SOX5: variants seen among roughly 807,000 people sequenced by gnomAD.
SOX5 encodes the protein transcription factor SOX-5.
Under a neutral mutation model 92.0 loss-of-function variants are expected in SOX5, and 9 were observed. That is an observed-to-expected ratio of 0.10 (90% CI 0.06 to 0.17). The LOEUF (loss-of-function observed/expected upper bound fraction) is 0.17. SOX5 is among the 10% of genes least tolerant of loss of function. The pLI, the probability that SOX5 is intolerant of heterozygous loss-of-function variation, is 1.00. For missense variants in SOX5, 642 were observed against 944.5 expected (o/e 0.68, Z 4.20); for synonymous variants, 344 against 336.3 (o/e 1.02, Z -0.25).
intron 4 of SOX5, among the ~76,000 whole-genome samples, chr12:24,184,351 T>C (rs765273012): frequency 6.6e-6 from 1 of 152,128 alleles, no homozygotes; most frequent in Non-Finnish European, 1.5e-5. Context: ...ATAGAATCAC[T>C]ATTCAAAAAC....
chr12:23,765,073 T>G (rs1339456335), intron 3 of SOX5, among the ~76,000 whole-genome samples: 2 of 152,018 alleles, frequency 1.3e-5, no homozygotes, highest in Non-Finnish European at 2.9e-5. Context: ...ATACATAGAA[T>G]CAGATTTTAA....
intron 2 of SOX5, among the ~76,000 whole-genome samples, chr12:24,346,245 G>T (rs1275342839): frequency 6.6e-6 from 1 of 152,114 alleles, no homozygotes; most frequent in East Asian, 1.9e-4. Flanking sequence ...GTGAGATGTG[G>T]TAAGAAAAGT....
chr12:24,044,136 G>C (rs1956786417), intron 4 of SOX5, among the ~76,000 whole-genome samples: 1 of 152,132 alleles, frequency 6.6e-6, no homozygotes, highest in Non-Finnish European at 1.5e-5. Context: ...CAACATAAAG[G>C]TGTCTGTGCA....
At chr12:24,345,320 G>T (rs987907722) in intron 2 of SOX5, among the ~76,000 whole-genome samples, 1 of 152,164 alleles carries the variant, frequency 6.6e-6, no homozygotes, top group Non-Finnish European at 1.5e-5. Context: ...TAAGACTTCA[G>T]GTGACCAAAC....
At chr12:23,832,511 A>G (rs1183639545) in intron 3 of SOX5, among the ~76,000 whole-genome samples, 1 of 152,084 alleles carries the variant, frequency 6.6e-6, no homozygotes, top group African/African-American at 2.4e-5. Flanking sequence ...TTATATTGAA[A>G]TACATAATGT....
intron 3 of SOX5, among the ~76,000 whole-genome samples, chr12:23,823,057 G>T (rs1253279493): frequency 1.3e-5 from 2 of 152,104 alleles, no homozygotes; most frequent in African/African-American, 4.8e-5. Flanking sequence ...GATGTTTCTT[G>T]ACTCTTTACC....
chr12:23,818,384 A>G (rs1007816757), intron 3 of SOX5, among the ~76,000 whole-genome samples: 2 of 152,214 alleles, frequency 1.3e-5, no homozygotes, highest in Non-Finnish European at 2.9e-5. Context: ...ATCTAAATAC[A>G]GAAAAGATAC....
At chr12:23,872,467 G>GCA (rs1568512969) in intron 2 of SOX5, among the ~76,000 whole-genome samples, 2 of 151,990 alleles carry the variant, frequency 1.3e-5, no homozygotes, top group Non-Finnish European at 2.9e-5. Flanking sequence ...AAGTTATGGT[G>GCA]TCATTAAAAG....
intron 2 of SOX5, among the ~76,000 whole-genome samples, chr12:24,349,590 T>C (rs1215174083): frequency 1.3e-5 from 2 of 152,220 alleles, no homozygotes; most frequent in South Asian, 4.1e-4. Context: ...GGCTTATTCA[T>C]ATAATAGCAT....
intron 3 of SOX5, among the ~76,000 whole-genome samples, chr12:23,789,383 T>G (rs1378033558): frequency 6.6e-6 from 1 of 152,082 alleles, no homozygotes; most frequent in Non-Finnish European, 1.5e-5. Context: ...AGTATTAACC[T>G]TTTAAGTGAG....
intron 4 of SOX5, among the ~76,000 whole-genome samples, chr12:24,124,225 G>A (rs1421037309): frequency 6.6e-6 from 1 of 152,100 alleles, no homozygotes; most frequent in Non-Finnish European, 1.5e-5. Flanking sequence ...CTGCTCAGGA[G>A]CAAATCATTC....
intron 1 of SOX5, among the ~76,000 whole-genome samples, chr12:24,442,846 A>T (rs538949248): frequency 6.6e-6 from 1 of 152,316 alleles, no homozygotes; most frequent in East Asian, 1.9e-4. Context: ...TGAAGGTGGC[A>T]GGAGGCCACA....
In SOX5 at chr12:23,561,065, A is replaced by G. The variant is rs143763180; in HGVS notation, c.1488+2193T>C. The stretch of plus-strand genomic sequence containing the variant: ...ATAGTTCAAGATGTAACTCAACTGC[A>G]TTGAAAGTACATGATGAAGAGATTC... On this transcript the variant is annotated intron_variant, in intron 11 of 14. Coordinates refer to ENST00000451604, the MANE Select transcript of SOX5 (RefSeq NM_006940.6). Among the ~76,000 whole-genome samples, 75 of 152,370 alleles carry G rather than the reference A, an allele frequency of 4.9e-4. No homozygotes were observed. The East Asian group carries it at 0.011, about 22-fold the overall frequency.
At chr12:23,977,008 C>T (rs931408925) in intron 4 of SOX5, among the ~76,000 whole-genome samples, 6 of 152,072 alleles carry the variant, frequency 3.9e-5, no homozygotes, top group African/African-American at 1.4e-4. Flanking sequence ...TACCAATATA[C>T]CTACTTTATT....
At chr12:24,546,253 A>G (rs901685124) in intron 1 of SOX5, among the ~76,000 whole-genome samples, 1 of 152,198 alleles carries the variant, frequency 6.6e-6, no homozygotes. Context: ...ATATTAATAC[A>G]TCACTGAATA....
chr12:24,426,397 C>T lies in SOX5; in HGVS notation c.-250-57758G>A, dbSNP rs1966771327. 2.0e-5 allele frequency among the ~76,000 whole-genome samples: 3 copies of T among 152,140 alleles called. No individual in the cohort carries two copies. In the South Asian group the frequency reaches 6.2e-4, roughly 32 times the overall value. On this transcript the variant is annotated intron_variant, in intron 1 of 4. Transcript: ENST00000446891. ...ATGGGTGCAGCAAACCAACATGGCA[C>T]ATGTATGTATACCTATGTACCAAAC...
chr12:24,117,676 G>A (rs1038741589), intron 4 of SOX5, among the ~76,000 whole-genome samples: 1 of 152,124 alleles, frequency 6.6e-6, no homozygotes, highest in Non-Finnish European at 1.5e-5. Context: ...CCACATGAAT[G>A]GAACTGGAGG....
intron 6 of SOX5, among the ~76,000 whole-genome samples, chr12:23,695,394 A>G (rs1002650790): frequency 2.6e-5 from 4 of 152,192 alleles, no homozygotes; most frequent in African/African-American, 7.2e-5. Flanking sequence ...CCTTATGAGG[A>G]ATATGTTCAA....
chr12:24,532,275 A>G (rs887417231), intron 1 of SOX5, among the ~76,000 whole-genome samples: 2 of 152,188 alleles, frequency 1.3e-5, no homozygotes, highest in South Asian at 4.1e-4. Context: ...GTCCTGCCTT[A>G]AGGTCCTACT....
Sources: gnomAD v4.1 joint callset for allele counts (sites outside exome capture counted in the v4.1 genomes callset) on GRCh38, gnomAD v4.1.1 for gene constraint, MANE v1.5 for transcripts, NCBI Gene and HGNC (gene_info 2026-07-23, HGNC 2026-07-21) for gene names.